FRMD4B: variants seen among roughly 807,000 people sequenced by gnomAD.
FRMD4B encodes FERM domain-containing protein 4B.
A neutral mutation model predicts 141.5 loss-of-function variants in FRMD4B; 74 were observed. The observed-to-expected ratio is 0.52, with a 90% CI of 0.43 to 0.63. FRMD4B has a LOEUF of 0.63. FRMD4B is among the 30% of genes least tolerant of loss of function. FRMD4B has a pLI of 0.00. For synonymous variants in FRMD4B, 506 were observed against 467.9 expected (o/e 1.08, Z -1.05); for missense variants, 1,366 against 1,253.4 (o/e 1.09, Z -1.36).
intron 1 of FRMD4B, among the ~76,000 whole-genome samples, chr3:69,498,537 G>A (rs559287038): frequency 6.6e-6 from 1 of 152,302 alleles, no homozygotes; most frequent in South Asian, 2.1e-4. Context: ...GAGCTTAGAA[G>A]TATTTTCTGG....
intron 1 of FRMD4B, among the ~76,000 whole-genome samples, chr3:69,446,979 T>C (rs994539029): frequency 6.6e-6 from 1 of 152,110 alleles, no homozygotes; most frequent in Non-Finnish European, 1.5e-5. Context: ...GTCACACAGA[T>C]TGAAGCAGGT....
At chr3:69,410,726 AATATATATATATATATAT>A (rs767608068) in intron 2 of FRMD4B, among the ~76,000 whole-genome samples, 909 of 86,274 alleles carry the variant, frequency 0.011, 13 homozygotes, top group African/African-American at 0.032. Context: ...TAAATAAATA[AATATATATATATATATAT>A]ATATATATAT....
At chr3:69,219,612 T>C (rs1270524507) in intron 9 of FRMD4B, among the ~76,000 whole-genome samples, 2 of 151,932 alleles carry the variant, frequency 1.3e-5, no homozygotes, top group East Asian at 1.9e-4. Context: ...ATGGGTACTT[T>C]TTTTTTTTTA....
At chr3:69,231,871 G>T (rs2093308771) in intron 7 of FRMD4B, among the ~76,000 whole-genome samples, 1 of 152,168 alleles carries the variant, frequency 6.6e-6, no homozygotes, top group South Asian at 2.1e-4. Flanking sequence ...GGATCAAACG[G>T]GATTTCACGT....
Position 69,195,150 on chromosome 3 carries a change from C to G in FRMD4B, c.1369-9G>C. ...ATTTTGCCTGTGAGCTCCTGTAAAA[C>G]AGGACAGAATCAAGAGCAGATAATT... On this transcript the variant is annotated splice_polypyrimidine_tract_variant and intron_variant, in intron 15 of 22. Coordinates refer to ENST00000398540, the MANE Select transcript of FRMD4B (RefSeq NM_015123.3). 1 of 1,613,974 alleles carries G rather than the reference C, an allele frequency of 6.2e-7. No homozygotes were observed. The highest frequency in any genetic ancestry group is 8.5e-7 in the Non-Finnish European group (1 of 1,179,872).
chr3:69,184,101 G>A (rs1193870187), intron 19 of FRMD4B, among the ~76,000 whole-genome samples: 1 of 151,618 alleles, frequency 6.6e-6, no homozygotes, highest in Non-Finnish European at 1.5e-5. Flanking sequence ...TAGTAGAGAT[G>A]GGGTTTCACC....
intron 21 of FRMD4B, among the ~76,000 whole-genome samples, chr3:69,179,366 C>T (rs1441938620): frequency 6.6e-6 from 1 of 152,134 alleles, no homozygotes; most frequent in Non-Finnish European, 1.5e-5. Context: ...TTGGTCTTTC[C>T]CTTGTAGTAC....
intron 1 of FRMD4B, among the ~76,000 whole-genome samples, chr3:69,351,854 G>A (rs578140304): frequency 6.6e-6 from 1 of 152,218 alleles, no homozygotes; most frequent in Non-Finnish European, 1.5e-5. Flanking sequence ...GACTTACAAG[G>A]TTTCTTCTGG....
At chr3:69,303,068 A>C (rs1302400655) in intron 3 of FRMD4B, among the ~76,000 whole-genome samples, 1 of 152,060 alleles carries the variant, frequency 6.6e-6, no homozygotes, top group East Asian at 1.9e-4. Context: ...CCCCTGTTAG[A>C]GTGAAACTCT....
At chr3:69,231,171 T>C (rs1466184536) in intron 7 of FRMD4B, among the ~76,000 whole-genome samples, 3 of 152,196 alleles carry the variant, frequency 2.0e-5, no homozygotes, top group Non-Finnish European at 4.4e-5. Flanking sequence ...AGAGTCAGAA[T>C]GCCCATGAGG....
At chr3:69,496,943 G>T (rs191086784) in intron 1 of FRMD4B, among the ~76,000 whole-genome samples, 1 of 151,132 alleles carries the variant, frequency 6.6e-6, no homozygotes, top group African/African-American at 2.4e-5. Flanking sequence ...CCCAATAACA[G>T]CTTGCTTCCC....
intron 9 of FRMD4B, 40 bp from the exon 10 acceptor site, chr3:69,218,419 G>A (rs754860928): frequency 2.2e-6 from 2 of 912,176 alleles, no homozygotes; most frequent in East Asian, 5.1e-5. Context: ...TATTAAAATA[G>A]TTAGAGGACC....
rs114720168 is a variant in FRMD4B at position 69,536,594 on chromosome 3, G to A, written c.-129+5612C>T. On this transcript the variant is annotated intron_variant, in intron 1 of 5. Transcript: ENST00000459638. ...GGCGGCATGCCACCGGGAAGCTGCT[G>A]CAGCTCAGGCCTGGCTTTTCAGATT... is the stretch of plus-strand genomic sequence containing the variant. 1.9e-3 allele frequency: 1,593 copies of A among 819,458 alleles called. 28 individuals carry two copies. The African/African-American group carries it at 0.025, about 13-fold the overall frequency. 50.8% of individuals were successfully genotyped at this position (819,458 alleles called of 1,614,324 possible). A position where few individuals can be genotyped will look rare whatever the true frequency, so the allele number is the denominator to read the frequency against.
intron 11 of FRMD4B, among the ~76,000 whole-genome samples, chr3:69,202,531 G>T (rs1389087832): frequency 2.0e-5 from 3 of 149,696 alleles, no homozygotes; most frequent in Admixed American, 2.0e-4. Context: ...ACAATTAAGA[G>T]TATGGAACTA....
chr3:69,316,235 G>A (rs944920351), intron 1 of FRMD4B, among the ~76,000 whole-genome samples: 6 of 152,158 alleles, frequency 3.9e-5, no homozygotes, highest in African/African-American at 1.4e-4. Flanking sequence ...TTGTCTCATG[G>A]CCTAAGCCTA....
At chr3:69,404,089 G>A (rs775744834) in intron 2 of FRMD4B, among the ~76,000 whole-genome samples, 12 of 152,124 alleles carry the variant, frequency 7.9e-5, no homozygotes, top group Non-Finnish European at 1.0e-4. Flanking sequence ...GTAGAAACAG[G>A]TCTCACTATA....
intron 2 of FRMD4B, among the ~76,000 whole-genome samples, chr3:69,411,954 T>G (rs1704768344): frequency 6.6e-6 from 1 of 152,212 alleles, no homozygotes; most frequent in South Asian, 2.1e-4. Context: ...AGCAGGAATA[T>G]TACCCACTTG....
chr3:69,270,164 T>C (rs1023383117), intron 5 of FRMD4B, among the ~76,000 whole-genome samples: 1 of 152,284 alleles, frequency 6.6e-6, no homozygotes, highest in Admixed American at 6.5e-5. Context: ...TACAGGTGCA[T>C]GTCACCAAAC....
intron 7 of FRMD4B, chr3:69,228,424 C>G (rs1269237892): frequency 2.2e-6 from 1 of 456,792 alleles, no homozygotes; most frequent in Non-Finnish European, 4.4e-6. Context: ...ACCATCAGAC[C>G]TGGGGACACT....
Sources: gnomAD v4.1 joint callset for allele counts (sites outside exome capture counted in the v4.1 genomes callset) on GRCh38, gnomAD v4.1.1 for gene constraint, MANE v1.5 for transcripts, NCBI Gene and HGNC (gene_info 2026-07-23, HGNC 2026-07-21) for gene names.